The following MBD5 variants were observed in gnomAD, a reference collection of about 807,000 sequenced individuals.
MBD5 encodes methyl-CpG-binding domain protein 5.
MBD5 carries 13 observed loss-of-function variants against 117.3 expected under a neutral mutation model. The ratio of observed to expected loss-of-function variants is 0.11; its 90% CI spans 0.07 to 0.18. MBD5 has a LOEUF of 0.18. MBD5 is among the 10% of genes least tolerant of loss of function. MBD5 has a pLI of 1.00. For synonymous variants in MBD5, 727 were observed against 766.4 expected, an observed-to-expected ratio of 0.95 and a Z score of 0.85; for missense variants, 1,879 against 2,093.8, an observed-to-expected ratio of 0.90 and a Z score of 2.00.
rs149452666 is a variant in MBD5 at position 148,446,195 on chromosome 2, G to T, written c.-556-12008G>T. Among the ~76,000 whole-genome samples the T allele has an allele frequency of 1.3e-3, 195 of 151,912 alleles. 1 individual carries two copies. The highest frequency in any genetic ancestry group is 2.3e-3 in the African/African-American group (93 of 41,272). ...CCATTGCTTTCGGTGTTTTAGACAT[G>T]AAGCCCTTGCCCACGCCTATGTCCT... On this transcript the variant is annotated intron_variant, in intron 4 of 13. Transcript: ENST00000642680.
At chr2:148,058,209 A>G (rs1430816089) in intron 1 of MBD5, among the ~76,000 whole-genome samples, 1 of 151,998 alleles carries the variant, frequency 6.6e-6, no homozygotes, top group East Asian at 1.9e-4. Flanking sequence ...GTAGCATTTA[A>G]ACTTTTGATG....
intron 4 of MBD5, among the ~76,000 whole-genome samples, chr2:148,422,877 A>G (rs1009536902): frequency 6.6e-6 from 1 of 152,168 alleles, no homozygotes; most frequent in African/African-American, 2.4e-5. Flanking sequence ...AGAGGACAAG[A>G]TTAGATAAAA....
At chr2:148,146,846 C>A (rs932770161) in intron 1 of MBD5, among the ~76,000 whole-genome samples, 2 of 152,070 alleles carry the variant, frequency 1.3e-5, no homozygotes, top group African/African-American at 4.8e-5. Flanking sequence ...TTCATTGTCA[C>A]CAAGTTCACT....
At chr2:148,493,243 A>G (rs779403114) in intron 11 of MBD5, among the ~76,000 whole-genome samples, 3 of 152,290 alleles carry the variant, frequency 2.0e-5, no homozygotes, top group Non-Finnish European at 4.4e-5. Context: ...ATTTTCCTAC[A>G]TTATCACTTT....
chr2:148,294,509 T>TGTTTTG (rs1701596916), intron 3 of MBD5, among the ~76,000 whole-genome samples: 1 of 129,984 alleles, frequency 7.7e-6, no homozygotes, highest in African/African-American at 3.0e-5. Flanking sequence ...CAGTTTTTTT[T>TGTTTTG]TTTTTTTTTT....
At chr2:148,072,122 A>C (rs188615886) in intron 1 of MBD5, 1 of 152,248 alleles carries the variant, frequency 6.6e-6, no homozygotes, top group African/African-American at 2.4e-5. Flanking sequence ...TTCTAATTTG[A>C]AGATAGGTTC....
intron 3 of MBD5, among the ~76,000 whole-genome samples, chr2:148,288,123 G>A (rs549034682): frequency 1.1e-4 from 16 of 151,738 alleles, no homozygotes; most frequent in Admixed American, 3.3e-4. Flanking sequence ...ATTTCTGGCC[G>A]GGCGCGGTGG....
chr2:148,333,373 C>T (rs975468459), intron 3 of MBD5, among the ~76,000 whole-genome samples: 4 of 152,102 alleles, frequency 2.6e-5, no homozygotes, highest in African/African-American at 9.7e-5. Flanking sequence ...GAATATCTTT[C>T]TTTTGGGCCT....
At chr2:148,485,579 T>C in intron 9 of MBD5, 163 bp from the exon 10 acceptor site, 1 of 628,008 alleles carries the variant, frequency 1.6e-6, no homozygotes, top group East Asian at 2.7e-5. Flanking sequence ...ATAAAGCTAC[T>C]CTTTCCTTAC....
At chr2:148,243,663 T>C (rs1700269246) in intron 3 of MBD5, 1 of 152,150 alleles carries the variant, frequency 6.6e-6, no homozygotes, top group South Asian at 2.1e-4. Context: ...TTAAATTTTT[T>C]CTTACCCAAG....
intron 3 of MBD5, among the ~76,000 whole-genome samples, chr2:148,328,113 G>T (rs1349840140): frequency 1.3e-5 from 2 of 152,210 alleles, no homozygotes; most frequent in Admixed American, 6.5e-5. Context: ...TGAGGTGTCA[G>T]TCTGCCCCTG....
chr2:148,334,023 GTTTA>G (rs1350049609), intron 3 of MBD5, among the ~76,000 whole-genome samples: 2 of 151,762 alleles, frequency 1.3e-5, no homozygotes, highest in South Asian at 2.1e-4. Flanking sequence ...TCTTTTTTTT[GTTTA>G]TTTATTTATT....
At chr2:148,404,386 C>A (rs748042736) in intron 4 of MBD5, among the ~76,000 whole-genome samples, 1 of 152,142 alleles carries the variant, frequency 6.6e-6, no homozygotes, top group African/African-American at 2.4e-5. Context: ...GTGTGACTTT[C>A]TTTCAAGCAA....
intron 12 of MBD5, among the ~76,000 whole-genome samples, chr2:148,506,005 G>A (rs1198469470): frequency 1.3e-5 from 2 of 152,116 alleles, no homozygotes; most frequent in African/African-American, 2.4e-5. Flanking sequence ...ATGGCATTTA[G>A]TAAATAGCTA....
intron 3 of MBD5, among the ~76,000 whole-genome samples, chr2:148,330,120 C>CACA (rs1553501700): frequency 6.9e-6 from 1 of 145,412 alleles, no homozygotes; most frequent in Non-Finnish European, 1.5e-5. Flanking sequence ...CACACACACT[C>CACA]TACCTTAGGC....
chr2:148,309,555 G>C (rs984563120), intron 3 of MBD5, among the ~76,000 whole-genome samples: 1 of 152,104 alleles, frequency 6.6e-6, no homozygotes, highest in Non-Finnish European at 1.5e-5. Context: ...TGAGACAATG[G>C]GGTTTTCTAA....
chr2:148,089,179 A>C (rs1453186263), intron 1 of MBD5, among the ~76,000 whole-genome samples: 5 of 152,124 alleles, frequency 3.3e-5, no homozygotes, highest in Admixed American at 6.5e-5. Context: ...CGTGCACCTA[A>C]CATAGGAGCC....
At chr2:148,504,828 C>T (rs141274073) in intron 12 of MBD5, among the ~76,000 whole-genome samples, 1 of 151,970 alleles carries the variant, frequency 6.6e-6, no homozygotes, top group African/African-American at 2.4e-5. Context: ...TGTAAAGTAT[C>T]GGATGGGAAG....
chr2:148,081,154 C>G (rs1440903373), intron 1 of MBD5, among the ~76,000 whole-genome samples: 1 of 152,072 alleles, frequency 6.6e-6, no homozygotes, highest in Non-Finnish European at 1.5e-5. Flanking sequence ...AAATTAATGT[C>G]CAATAAATTT....
Sources: gnomAD v4.1 joint callset for allele counts (sites outside exome capture counted in the v4.1 genomes callset) on GRCh38, gnomAD v4.1.1 for gene constraint, MANE v1.5 for transcripts, NCBI Gene and HGNC (gene_info 2026-07-23, HGNC 2026-07-21) for gene names.